The following LPL variants were observed in gnomAD, a reference collection of about 807,000 sequenced individuals.
LPL encodes lipoprotein lipase.
Under a neutral mutation model 52.2 loss-of-function variants are expected in LPL, and 43 were observed. The ratio of observed to expected loss-of-function variants is 0.82; its 90% CI spans 0.64 to 1.06. The LOEUF is 1.06. Ranked by LOEUF, LPL falls within the 50% of genes least tolerant of loss-of-function variation. The pLI is 0.00. For missense variants in LPL, 639 were observed against 585.3 expected, an observed-to-expected ratio of 1.09 and a Z score of -0.95; for synonymous variants, 244 against 215.6, an observed-to-expected ratio of 1.13 and a Z score of -1.15.
At chr8:19,953,212 T>G (rs1167879194) in intron 3 of LPL, 98 bp from the exon 4 acceptor site, 1 of 749,258 alleles carries the variant, frequency 1.3e-6, no homozygotes, top group Non-Finnish European at 2.4e-6. Flanking sequence ...TTTTCAGTAT[T>G]TCCTATATTT....
chr8:19,954,392 T>A, intron 5 of LPL, 39 bp downstream of exon 5: 2 of 1,577,182 alleles, frequency 1.3e-6, no homozygotes, highest in South Asian at 2.2e-5. Flanking sequence ...GTGACTCTTA[T>A]CCTTAACCCT....
chr8:19,951,903 C>T lies in LPL; in HGVS notation c.384C>T (p.Thr128=), dbSNP rs1257268992. ...QEHYPVSAGY[T]KLVGQDVARF... ...ATTACCCAGTGTCCGCGGGCTACAC[C>T]AAACTGGTGGGACAGGATGTGGCCC... The change falls in exon 3 of 10, where the codon ACC becomes ACT. Residue 128 remains threonine, a synonymous_variant. Transcript: ENST00000650287. 1 of 1,614,132 alleles carries T rather than the reference C, an allele frequency of 6.2e-7. No individual in the cohort carries two copies. Among genetic ancestry groups the T allele is most frequent in the East Asian group, 2.2e-5 (1 of 44,884 alleles).
At chr8:19,940,838 C>T (rs1032171574) in intron 1 of LPL, among the ~76,000 whole-genome samples, 7 of 152,178 alleles carry the variant, frequency 4.6e-5, no homozygotes, top group Non-Finnish European at 7.3e-5. Context: ...CCCATGTAGT[C>T]CCAGCACTTC....
chr8:19,943,036 A>G (rs2069853701), intron 1 of LPL, among the ~76,000 whole-genome samples: 1 of 152,208 alleles, frequency 6.6e-6, no homozygotes, highest in South Asian at 2.1e-4. Context: ...CCATTATTTG[A>G]CAGTAGAATA....
Position 19,959,259 on chromosome 8 carries a change from G to C in LPL, c.1019-1G>C, listed in dbSNP as rs752378955. On this transcript the variant is annotated splice_acceptor_variant, in intron 6 of 9. Coordinates refer to ENST00000650287, the MANE Select transcript of LPL (RefSeq NM_000237.3). LOFTEE classifies it high-confidence loss of function. Reference sequence around the variant, plus strand: ...ACATGTTCGAATTTCCTCCCCAACAGTCTTCCATTACCAAGTAAAGATTCA... The same window carrying C: ...ACATGTTCGAATTTCCTCCCCAACACTCTTCCATTACCAAGTAAAGATTCA... The C allele has an allele frequency of 2.5e-6, 4 of 1,614,110 alleles. No homozygotes were observed. Among genetic ancestry groups the C allele is most frequent in the Non-Finnish European group, 3.4e-6 (4 of 1,180,000 alleles).
rs1274334691 is a variant in LPL at position 19,939,908 on chromosome 8, T to G, written c.88+380T>G. ...TGGCGGTGACCTGCAGTCACCTCTC[T>G]GCCGGAGGGGCCCTGGAATGAAAGG... On this transcript the variant is annotated intron_variant, in intron 1 of 9. Coordinates refer to ENST00000650287, the MANE Select transcript of LPL (RefSeq NM_000237.3). This position sits in a 1 kb window ranked among gnomAD's most constrained non-coding sequence, Gnocchi z 4.0. Among the ~76,000 whole-genome samples the G allele has an allele frequency of 2.0e-5, 3 of 152,166 alleles. No individual in the cohort carries two copies. The East Asian group carries it at 5.8e-4, about 30-fold the overall frequency.
At position 19,954,353 on chromosome 8, in the gene LPL, G is replaced by A. The variant is rs1238991522; in HGVS notation, c.775G>A (p.Asp259Asn). 3.7e-6 allele frequency: 6 copies of A among 1,612,398 alleles called. No individual in the cohort carries two copies. Among genetic ancestry groups the A allele is most frequent in the East Asian group, 2.2e-5 (1 of 44,872 alleles). ...IRVIAERGLG[D>N]VDQLVKCSHE... ...CGTGATTGCAGAGAGAGGACTTGGA[G>A]GTAAATATTATTTAGAAGCGAATTA... is the stretch of plus-strand genomic sequence containing the variant. The change falls in exon 5 of 10, where the codon GAT becomes AAT. Residue 259 changes from aspartate (D) to asparagine (N), a missense_variant and splice_region_variant. By Grantham distance (23) the Asp-to-Asn change is conservative. Coordinates refer to ENST00000650287, the MANE Select transcript of LPL (RefSeq NM_000237.3).
intron 3 of LPL, among the ~76,000 whole-genome samples, chr8:19,952,530 T>C (rs1216810790): frequency 1.3e-5 from 2 of 152,132 alleles, no homozygotes; most frequent in Non-Finnish European, 2.9e-5. Flanking sequence ...GAGAAGTACC[T>C]CTGAAAAGTA....
At chr8:19,949,519 A>G (rs1304691366) in intron 2 of LPL, among the ~76,000 whole-genome samples, 1 of 152,126 alleles carries the variant, frequency 6.6e-6, no homozygotes, top group Non-Finnish European at 1.5e-5. Context: ...GGCTCACTCT[A>G]TTGCCCAGGC....
rs973660763 is a variant in LPL at position 19,953,109 on chromosome 8, G to A, written c.430-201G>A. On this transcript the variant is annotated intron_variant, in intron 3 of 9. Transcript: ENST00000650287. ...GAAAATCAATTCTGGATTTGTTTACGGAAAAGTGAAACAAAAGAAAAAGAC... is the reference window on the plus strand; with the variant it reads ...GAAAATCAATTCTGGATTTGTTTACAGAAAAGTGAAACAAAAGAAAAAGAC... 5.3e-5 allele frequency among the ~76,000 whole-genome samples: 8 copies of A among 151,960 alleles called. No homozygotes were observed. In the East Asian group the frequency reaches 5.8e-4, roughly 11 times the overall value.
Position 19,948,363 on chromosome 8 carries a change from G to A in LPL, c.249+23G>A, listed in dbSNP as rs1356352443. 3.7e-6 allele frequency: 6 copies of A among 1,613,288 alleles called. No homozygotes were observed. In the African/African-American group the frequency reaches 4.0e-5, roughly 11 times the overall value. On this transcript the variant is annotated intron_variant, in intron 2 of 9. Coordinates refer to ENST00000650287, the MANE Select transcript of LPL (RefSeq NM_000237.3). ...ACGGTAAGGGAGGCTCTTTGGGGAA[G>A]AGTGGATTGGGGTGGTGAGGTATCC...
intron 1 of LPL, chr8:19,946,541 G>T: frequency 3.5e-6 from 1 of 287,534 alleles, no homozygotes; most frequent in South Asian, 2.9e-5. Context: ...GACTTCCGCA[G>T]TTATTTTGAA....
chr8:19,963,804 C>G (rs904725786), intron 9 of LPL, among the ~76,000 whole-genome samples: 1 of 152,096 alleles, frequency 6.6e-6, no homozygotes, highest in African/African-American at 2.4e-5. Flanking sequence ...TGGTATTGAG[C>G]CAGGCAAAAT....
At chr8:19,943,459 A>G (rs1021396585) in intron 1 of LPL, among the ~76,000 whole-genome samples, 2 of 152,224 alleles carry the variant, frequency 1.3e-5, no homozygotes, top group African/African-American at 2.4e-5. Flanking sequence ...TAGCGTCCCC[A>G]TGTTTATTCA....
intron 2 of LPL, among the ~76,000 whole-genome samples, chr8:19,948,830 C>T (rs1010363762): frequency 5.3e-5 from 8 of 152,002 alleles, no homozygotes; most frequent in African/African-American, 1.9e-4. Context: ...CATCTCTGGG[C>T]CTCCATTTAC....
Position 19,960,934 on chromosome 8 carries a change from C to A in LPL, c.1173C>A (p.Phe391Leu), listed in dbSNP as rs1004895839. ...TTTCCACAAATAAGACCTACTCCTT[C>A]CTAATTTACACAGAGGTAGATATTG... is the stretch of plus-strand genomic sequence containing the variant. ...PEVSTNKTYS[F>L]LIYTEVDIGE... Residue 391 changes from phenylalanine (F) to leucine (L), a missense_variant, in exon 8 of 10, where the codon TTC becomes TTA. Transcript: ENST00000650287. 2 of 1,614,000 alleles carry A rather than the reference C, an allele frequency of 1.2e-6. No homozygotes were observed. Among genetic ancestry groups the A allele is most frequent in the Admixed American group, 3.3e-5 (2 of 60,016 alleles).
intron 6 of LPL, among the ~76,000 whole-genome samples, chr8:19,956,614 C>A (rs932597187): frequency 2.0e-5 from 3 of 152,132 alleles, no homozygotes; most frequent in Non-Finnish European, 4.4e-5. Flanking sequence ...TCCTCCCACC[C>A]TCTGGGAGGC....
At chr8:19,956,820 C>T (rs1384212039) in intron 6 of LPL, among the ~76,000 whole-genome samples, 2 of 152,076 alleles carry the variant, frequency 1.3e-5, no homozygotes, top group Non-Finnish European at 2.9e-5. Flanking sequence ...GACCATCTGT[C>T]TTATTTATTT....
rs1185015177 is a variant in LPL at position 19,950,945 on chromosome 8, G to A, written c.250-824G>A. Among the ~76,000 whole-genome samples, 1 of 151,518 alleles carries A rather than the reference G, an allele frequency of 6.6e-6. No homozygotes were observed. Among genetic ancestry groups the A allele is most frequent in the Non-Finnish European group, 1.5e-5 (1 of 67,744 alleles). On this transcript the variant is annotated intron_variant, in intron 2 of 9. Coordinates refer to ENST00000650287, the MANE Select transcript of LPL (RefSeq NM_000237.3). The surrounding 1 kb of genome is among the most constrained non-coding windows in gnomAD (Gnocchi z 4.2). ...AGGAAGGAAGGAAGGGAGGGAGGAA[G>A]AAAGGAAGGAAGAACAAAGAAAAGA...
Sources: allele counts gnomAD v4.1 joint callset (sites outside exome capture counted in the v4.1 genomes callset), GRCh38; gene constraint gnomAD v4.1.1; non-coding constraint Gnocchi (gnomAD v3.1); transcripts MANE v1.5; gene names NCBI Gene and HGNC (gene_info 2026-07-23, HGNC 2026-07-21).